Variants in LUZP2 observed in about 807,000 individuals in gnomAD.
LUZP2 encodes leucine zipper protein 2.
A neutral mutation model predicts 51.6 loss-of-function variants in LUZP2; 52 were observed. The observed-to-expected ratio is 1.01, with a 90% CI of 0.81 to 1.27. The LOEUF is 1.27. LUZP2 is among the 50% of genes most tolerant of loss of function. LUZP2 has a pLI of 0.00. For synonymous variants in LUZP2, 154 were observed against 137.3 expected, an observed-to-expected ratio of 1.12 and a Z score of -0.85; for missense variants, 436 against 395.4, an observed-to-expected ratio of 1.10 and a Z score of -0.87.
chr11:24,748,464 C>CTT (rs34396396), intron 4 of LUZP2, among the ~76,000 whole-genome samples: 5 of 142,884 alleles, frequency 3.5e-5, no homozygotes, highest in Non-Finnish European at 4.6e-5. Flanking sequence ...TGTTAACTTC[C>CTT]TTTTTTTTTT....
At chr11:24,921,063 GA>G in intron 7 of LUZP2, among the ~76,000 whole-genome samples, 1 of 152,190 alleles carries the variant, frequency 6.6e-6, no homozygotes, top group East Asian at 1.9e-4. Flanking sequence ...ATATGGCTTT[GA>G]TGACTGGGGG....
chr11:24,875,935 CT>C (rs1447609097), intron 5 of LUZP2, among the ~76,000 whole-genome samples: 6 of 150,902 alleles, frequency 4.0e-5, no homozygotes, highest in Non-Finnish European at 7.4e-5. Context: ...CCTTTGCCCA[CT>C]TTTTGATGGG....
intron 5 of LUZP2, among the ~76,000 whole-genome samples, chr11:24,802,584 C>T (rs1276005501): frequency 1.3e-5 from 2 of 151,856 alleles, no homozygotes; most frequent in Non-Finnish European, 2.9e-5. Context: ...CCCATCACAA[C>T]CATTCATTTT....
intron 10 of LUZP2, among the ~76,000 whole-genome samples, chr11:25,055,338 A>G (rs1442399834): frequency 6.6e-6 from 1 of 151,932 alleles, no homozygotes; most frequent in Non-Finnish European, 1.5e-5. Flanking sequence ...TTCTTTCAGC[A>G]ATGTTTGATA....
chr11:24,821,875 A>C (rs1850371154), intron 5 of LUZP2, among the ~76,000 whole-genome samples: 1 of 149,256 alleles, frequency 6.7e-6, no homozygotes, highest in Admixed American at 6.7e-5. Flanking sequence ...AGAAATATTT[A>C]TATATATATA....
intron 10 of LUZP2, among the ~76,000 whole-genome samples, chr11:25,064,890 C>T (rs535976829): frequency 6.6e-6 from 1 of 152,066 alleles, no homozygotes; most frequent in South Asian, 2.1e-4. Flanking sequence ...TCGCGAATTT[C>T]TAATGTTCAT....
intron 1 of LUZP2, among the ~76,000 whole-genome samples, chr11:24,695,574 T>A (rs1443739468): frequency 6.6e-6 from 1 of 152,054 alleles, no homozygotes; most frequent in Admixed American, 6.6e-5. Flanking sequence ...TCTGTCTATC[T>A]CACTGTAATT....
intron 9 of LUZP2, among the ~76,000 whole-genome samples, chr11:25,025,722 G>T (rs1857470904): frequency 6.6e-6 from 1 of 152,140 alleles, no homozygotes; most frequent in Non-Finnish European, 1.5e-5. Context: ...AACCCTTGTG[G>T]AAGACAGTGT....
chr11:25,054,899 C>T (rs967004192), intron 10 of LUZP2, among the ~76,000 whole-genome samples: 2 of 148,190 alleles, frequency 1.3e-5, no homozygotes, highest in African/African-American at 5.0e-5. Context: ...TTCTGAGTCC[C>T]TTACATTTCT....
At chr11:24,517,365 A>T (rs1850499248) in intron 1 of LUZP2, among the ~76,000 whole-genome samples, 1 of 151,466 alleles carries the variant, frequency 6.6e-6, no homozygotes, top group East Asian at 2.0e-4. Context: ...GGGTTCCTGT[A>T]GTCCCAGCTA....
intron 5 of LUZP2, among the ~76,000 whole-genome samples, chr11:24,877,570 A>T (rs1011074681): frequency 2.6e-5 from 4 of 152,246 alleles, no homozygotes; most frequent in African/African-American, 9.6e-5. Flanking sequence ...ACCTCCTCAA[A>T]CATTTATCCT....
Position 24,823,389 on chromosome 11 carries a change from G to GAA in LUZP2, c.396+60096_396+60097dup, listed in dbSNP as rs58275746. 1.1e-3 allele frequency among the ~76,000 whole-genome samples: 102 copies of GAA among 92,750 alleles called. 1 individual carries two copies. The highest frequency in any genetic ancestry group is 4.3e-3 in the South Asian group (13 of 2,990). The allele number at this position is 92,750 out of a possible 152,430, so 60.8% of individuals were successfully genotyped here. On this transcript the variant is annotated intron_variant, in intron 5 of 11. Transcript: ENST00000336930. ...AGGGAATAGGAAACAAATGAATTCA[G>GAA]AAAAAAAAAAAAAAAAGACAGATTT...
intron 1 of LUZP2, among the ~76,000 whole-genome samples, chr11:24,583,913 C>T (rs1179459629): frequency 6.6e-6 from 1 of 151,346 alleles, no homozygotes; most frequent in Non-Finnish European, 1.5e-5. Flanking sequence ...GGGGTTTCAC[C>T]GTGTTAGCGA....
intron 1 of LUZP2, among the ~76,000 whole-genome samples, chr11:24,648,105 C>T (rs912955842): frequency 1.3e-5 from 2 of 151,882 alleles, no homozygotes; most frequent in Non-Finnish European, 2.9e-5. Flanking sequence ...TCATGTTCAA[C>T]ACTGATGCAA....
chr11:24,649,976 GACACACACACACAC>G (rs138976467), intron 1 of LUZP2, among the ~76,000 whole-genome samples: 7 of 146,904 alleles, frequency 4.8e-5, no homozygotes, highest in African/African-American at 1.7e-4. Context: ...TACACACAGA[GACACACACACACAC>G]ACACACACAC....
chr11:24,700,196 G>A (rs953435774), intron 1 of LUZP2, among the ~76,000 whole-genome samples: 5 of 151,874 alleles, frequency 3.3e-5, no homozygotes, highest in Non-Finnish European at 5.9e-5. Flanking sequence ...CCAGTAGCTG[G>A]GATTACAGGC....
intron 7 of LUZP2, among the ~76,000 whole-genome samples, chr11:24,927,038 T>C (rs1482869408): frequency 2.0e-5 from 3 of 152,028 alleles, no homozygotes; most frequent in African/African-American, 7.2e-5. Context: ...GTTGGCCATT[T>C]CTGTATCTCC....
chr11:24,588,824 A>G (rs1447261569), intron 1 of LUZP2, among the ~76,000 whole-genome samples: 1 of 152,006 alleles, frequency 6.6e-6, no homozygotes, highest in Non-Finnish European at 1.5e-5. Flanking sequence ...GAGAGATTAA[A>G]TAACTTTCCT....
chr11:24,963,700 T>C (rs185617293), intron 7 of LUZP2, among the ~76,000 whole-genome samples: 1 of 152,138 alleles, frequency 6.6e-6, no homozygotes, highest in South Asian at 2.1e-4. Flanking sequence ...AGGGAACTCC[T>C]TGACCCCTTG....
Sources: gnomAD v4.1 joint callset for allele counts (sites outside exome capture counted in the v4.1 genomes callset) on GRCh38, gnomAD v4.1.1 for gene constraint, MANE v1.5 for transcripts, NCBI Gene and HGNC (gene_info 2026-07-23, HGNC 2026-07-21) for gene names.